PCDH17: variants seen among roughly 807,000 people sequenced by gnomAD.
The protein encoded by PCDH17 is protocadherin-17.
In PCDH17, 21 loss-of-function variants were observed where a neutral mutation model predicts 67.7. That is an observed-to-expected ratio of 0.31 (90% CI 0.22 to 0.45). The LOEUF (loss-of-function observed/expected upper bound fraction) is 0.45. Ranked by LOEUF, PCDH17 falls within the 20% of genes least tolerant of loss-of-function variation. The probability of loss-of-function intolerance (pLI) is 1.00; values close to 1 mark genes in which losing one functional copy is unlikely to be tolerated. For synonymous variants in PCDH17, 701 were observed against 656.7 expected, an observed-to-expected ratio of 1.07 and a Z score of -1.03; for missense variants, 1,471 against 1,564.8, an observed-to-expected ratio of 0.94 and a Z score of 1.01.
At chr13:57,649,585 A>G (rs1593900054) in intron 1 of PCDH17, among the ~76,000 whole-genome samples, 1 of 152,328 alleles carries the variant, frequency 6.6e-6, no homozygotes, top group South Asian at 2.1e-4. Flanking sequence ...GTCATTTGAC[A>G]TAAAATTATT....
intron 1 of PCDH17, among the ~76,000 whole-genome samples, chr13:57,657,119 G>C (rs574035907): frequency 6.6e-6 from 1 of 152,020 alleles, no homozygotes; most frequent in African/African-American, 2.4e-5. Context: ...TATTATTAAA[G>C]TTATCAATGT....
chr13:57,705,937 C>T (rs1000496129), intron 3 of PCDH17, among the ~76,000 whole-genome samples: 1 of 151,450 alleles, frequency 6.6e-6, no homozygotes, highest in South Asian at 2.1e-4. Flanking sequence ...ATCACTTGAA[C>T]CCAGGAGGCA....
At chr13:57,657,028 A>C (rs1389907924) in intron 1 of PCDH17, among the ~76,000 whole-genome samples, 1 of 152,164 alleles carries the variant, frequency 6.6e-6, no homozygotes, top group Admixed American at 6.5e-5. Context: ...ACTTTTTGAT[A>C]ATCTCAGTTT....
chr13:57,641,558 GAAAAAAAAA>G (rs71209470), intron 1 of PCDH17, among the ~76,000 whole-genome samples: 901 of 23,828 alleles, frequency 0.038, 2 homozygotes, highest in African/African-American at 0.042. Flanking sequence ...GTGTTTGAGA[GAAAAAAAAA>G]AAAAAAAAAA....
At chr13:57,638,402 T>G (rs1221237950) in intron 1 of PCDH17, among the ~76,000 whole-genome samples, 1 of 152,080 alleles carries the variant, frequency 6.6e-6, no homozygotes. Context: ...GGCTGGGGAC[T>G]TCTCACTGAT....
chr13:57,725,876 A>G lies in PCDH17; in HGVS notation c.*582A>G, dbSNP rs1315915804. ...AAAGTTACCTGACACACATATAAAC[A>G]CAAGGAACATTCCATATCATTAGTC... On this transcript the variant is annotated 3_prime_UTR_variant, in exon 4 of 4. Transcript: ENST00000377918. The G allele has an allele frequency of 6.6e-6, 1 of 152,630 alleles. No individual in the cohort carries two copies. Among genetic ancestry groups the G allele is most frequent in the Admixed American group, 6.5e-5 (1 of 15,272 alleles). The allele number at this position is 152,630 out of a possible 1,614,324, so 9.5% of individuals were successfully genotyped here.
Position 57,631,820 on chromosome 13 carries a change from TCCG to T in PCDH17, c.-716_-714del. On this transcript the variant is annotated 5_prime_UTR_variant, in exon 1 of 4. Coordinates refer to ENST00000377918, the MANE Select transcript of PCDH17 (RefSeq NM_001040429.3). ...AAATACGCTTGGCTGGTAGATGCAG[TCCG>T]CCGCCGCCGCTGCCTCAGCCAGCAA... is the stretch of plus-strand genomic sequence containing the variant. 2 of 152,310 alleles carry T rather than the reference TCCG, an allele frequency of 1.3e-5. No homozygotes were observed. The highest frequency in any genetic ancestry group is 2.9e-5 in the Non-Finnish European group (2 of 68,196). 9.4% of individuals were successfully genotyped at this position (152,310 alleles called of 1,614,324 possible).
intron 1 of PCDH17, among the ~76,000 whole-genome samples, chr13:57,657,295 C>G (rs1039633063): frequency 6.6e-6 from 1 of 152,114 alleles, no homozygotes; most frequent in Non-Finnish European, 1.5e-5. Flanking sequence ...CTGGTTTTTG[C>G]TCAATATTGT....
At chr13:57,690,566 A>G (rs1955549557) in intron 3 of PCDH17, among the ~76,000 whole-genome samples, 2 of 151,724 alleles carry the variant, frequency 1.3e-5, no homozygotes, top group South Asian at 2.1e-4. Context: ...ATGAGTCACT[A>G]TAACTTCTTT....
intron 3 of PCDH17, among the ~76,000 whole-genome samples, chr13:57,700,651 A>C (rs1163259355): frequency 1.3e-5 from 2 of 152,074 alleles, no homozygotes; most frequent in African/African-American, 4.8e-5. Context: ...TAATGGTGGG[A>C]GTAAATATAT....
At chr13:57,695,024 A>G (rs1278652557) in intron 3 of PCDH17, among the ~76,000 whole-genome samples, 1 of 151,244 alleles carries the variant, frequency 6.6e-6, no homozygotes. Flanking sequence ...CCTGCCCAGG[A>G]TACTTGCTAA....
At chr13:57,675,723 G>C (rs77667593) in intron 3 of PCDH17, among the ~76,000 whole-genome samples, 5,806 of 152,056 alleles carry the variant, frequency 0.038, 144 homozygotes, top group Middle Eastern at 0.061. Context: ...AGGAATGGCA[G>C]ATATGAGACT....
intron 3 of PCDH17, among the ~76,000 whole-genome samples, chr13:57,667,925 TTAAA>T (rs1247217198): frequency 3.4e-5 from 5 of 148,948 alleles, no homozygotes; most frequent in Non-Finnish European, 5.9e-5. Flanking sequence ...TATATTCAGT[TTAAA>T]TATATATTAA....
At chr13:57,691,939 A>G (rs1247051527) in intron 3 of PCDH17, among the ~76,000 whole-genome samples, 1 of 151,216 alleles carries the variant, frequency 6.6e-6, no homozygotes, top group African/African-American at 2.4e-5. Flanking sequence ...CTGTCTTTCT[A>G]TTTTGAAATT....
intron 3 of PCDH17, among the ~76,000 whole-genome samples, chr13:57,667,379 A>G (rs1955267460): frequency 6.6e-6 from 1 of 152,076 alleles, no homozygotes; most frequent in Non-Finnish European, 1.5e-5. Flanking sequence ...TGGGTAATAA[A>G]GCAATGTGTC....
chr13:57,707,863 C>G (rs1955735652), intron 3 of PCDH17, among the ~76,000 whole-genome samples: 1 of 151,978 alleles, frequency 6.6e-6, no homozygotes. Flanking sequence ...TCTGTTTTCT[C>G]TTCTTACAAG....
rs1263523615 is a variant in PCDH17 at position 57,660,090 on chromosome 13, AAAG to A, written c.2566-6375_2566-6373del. Among the ~76,000 whole-genome samples, 12 of 152,184 alleles carry A rather than the reference AAAG, an allele frequency of 7.9e-5. No individual in the cohort carries two copies. The East Asian group carries it at 2.3e-3, about 29-fold the overall frequency. On this transcript the variant is annotated intron_variant, in intron 1 of 3. Transcript: ENST00000377918. Reference sequence around the variant, plus strand: ...TCTATACTAAAGAAGAAAAAAGAAAAAAGAAAGATAGCCGCCATGTTGGCGCAC... The same window carrying A: ...TCTATACTAAAGAAGAAAAAAGAAAAAAAGATAGCCGCCATGTTGGCGCAC...
rs767071539 is a variant in PCDH17 at position 57,632,181 on chromosome 13, G to A, written c.-366G>A. 1 of 320,062 alleles carries A rather than the reference G, an allele frequency of 3.1e-6. No individual in the cohort carries two copies. Among genetic ancestry groups the A allele is most frequent in the Non-Finnish European group, 5.9e-6 (1 of 170,778 alleles). 19.8% of individuals were successfully genotyped at this position (320,062 alleles called of 1,614,324 possible). On this transcript the variant is annotated 5_prime_UTR_variant, in exon 1 of 4. Coordinates refer to ENST00000377918, the MANE Select transcript of PCDH17 (RefSeq NM_001040429.3). Reference sequence around the variant, plus strand: ...TAGCTCATTATCATCTCTCCCAGACGAGATTTCCTTCTTATCGCCTGCCTC... The same window carrying A: ...TAGCTCATTATCATCTCTCCCAGACAAGATTTCCTTCTTATCGCCTGCCTC...
At chr13:57,635,559 CTTCT>C (rs1442308745) in intron 1 of PCDH17, among the ~76,000 whole-genome samples, 9 of 152,208 alleles carry the variant, frequency 5.9e-5, no homozygotes, top group Non-Finnish European at 8.8e-5. Flanking sequence ...AAGAAGTTAA[CTTCT>C]TTAAGTACAG....
Sources: gnomAD v4.1 joint callset for allele counts (sites outside exome capture counted in the v4.1 genomes callset) on GRCh38, gnomAD v4.1.1 for gene constraint, MANE v1.5 for transcripts, NCBI Gene and HGNC (gene_info 2026-07-23, HGNC 2026-07-21) for gene names.